KCNIP1: variants seen among roughly 807,000 people sequenced by gnomAD.
KCNIP1 encodes A-type potassium channel modulatory protein KCNIP1.
A neutral mutation model predicts 33.0 loss-of-function variants in KCNIP1; 18 were observed. That is an observed-to-expected ratio of 0.55 (90% CI 0.38 to 0.81). KCNIP1 has a LOEUF of 0.81. KCNIP1 is among the 30% of genes least tolerant of loss of function. KCNIP1 has a pLI of 0.00. For synonymous variants in KCNIP1, 93 were observed against 98.3 expected (o/e 0.95, Z 0.32); for missense variants, 238 against 271.6 (o/e 0.88, Z 0.87).
At chr5:170,373,933 T>G (rs1763917463) in intron 1 of KCNIP1, among the ~76,000 whole-genome samples, 1 of 152,248 alleles carries the variant, frequency 6.6e-6, no homozygotes, top group Non-Finnish European at 1.5e-5. Flanking sequence ...TTTCTTTCCC[T>G]TCCATGTGAC....
At chr5:170,720,442 C>T (rs1403753304) in intron 3 of KCNIP1, 52 bp downstream of exon 3, 1 of 1,376,414 alleles carries the variant, frequency 7.3e-7, no homozygotes, top group East Asian at 2.3e-5. Context: ...TGGTAAGCAG[C>T]CTTCCCTTCC....
chr5:170,545,732 A>T (rs1320038405), intron 1 of KCNIP1, among the ~76,000 whole-genome samples: 1 of 152,068 alleles, frequency 6.6e-6, no homozygotes, highest in African/African-American at 2.4e-5. Flanking sequence ...AGAAGGCTAT[A>T]TGTTTTTGTT....
At chr5:170,381,744 A>C (rs560161965) in intron 1 of KCNIP1, among the ~76,000 whole-genome samples, 2 of 152,302 alleles carry the variant, frequency 1.3e-5, no homozygotes, top group East Asian at 3.9e-4. Flanking sequence ...AGGACCAGGG[A>C]GGCAGCCTGA....
chr5:170,715,861 G>T (rs2113863960), intron 1 of KCNIP1, among the ~76,000 whole-genome samples: 1 of 152,232 alleles, frequency 6.6e-6, no homozygotes, highest in Admixed American at 6.5e-5. Context: ...TCTGGCATCA[G>T]ACTTTGAACA....
chr5:170,381,187 T>A (rs1303821850), intron 1 of KCNIP1, among the ~76,000 whole-genome samples: 2 of 152,162 alleles, frequency 1.3e-5, no homozygotes, highest in Non-Finnish European at 2.9e-5. Context: ...TGGGCAGGAA[T>A]TCACTCTTCA....
intron 1 of KCNIP1, among the ~76,000 whole-genome samples, chr5:170,691,159 A>C (rs1042324846): frequency 3.9e-5 from 6 of 152,218 alleles, no homozygotes; most frequent in Non-Finnish European, 7.3e-5. Flanking sequence ...TTATGGGTGC[A>C]TCCTATGGGT....
chr5:170,561,048 G>C, intron 1 of KCNIP1: 1 of 453,690 alleles, frequency 2.2e-6, no homozygotes, highest in South Asian at 1.6e-5. Flanking sequence ...CAGGAGCCCA[G>C]CCTCCTGGCT....
chr5:170,666,489 G>C (rs546760571), intron 1 of KCNIP1, among the ~76,000 whole-genome samples: 1 of 152,172 alleles, frequency 6.6e-6, no homozygotes, highest in Non-Finnish European at 1.5e-5. Context: ...ATAATGGGCT[G>C]TCATTTTGTT....
In KCNIP1 at chr5:170,504,455, G is replaced by T; in HGVS notation, c.-118G>T. The stretch of plus-strand genomic sequence containing the variant: ...GCTTGCTGAATACCAAGCTGCAGGC[G>T]AGCTGCCGGGCGCTTTTCTCTCCTC... On this transcript the variant is annotated 5_prime_UTR_variant, in exon 1 of 8. It introduces an in-frame stop codon into an upstream open reading frame of the 5' UTR. Transcript: ENST00000328939. This position sits in a 1 kb window ranked among gnomAD's most constrained non-coding sequence, Gnocchi z 6.0. 2 of 1,548,592 alleles carry T rather than the reference G, an allele frequency of 1.3e-6. No homozygotes were observed. The highest frequency in any genetic ancestry group is 2.4e-5 in the South Asian group (2 of 83,290).
chr5:170,392,604 T>C (rs2113367633), intron 1 of KCNIP1, among the ~76,000 whole-genome samples: 1 of 152,254 alleles, frequency 6.6e-6, no homozygotes, highest in African/African-American at 2.4e-5. Context: ...AGGCGGTTCA[T>C]TTGAGGCCAG....
intron 1 of KCNIP1, among the ~76,000 whole-genome samples, chr5:170,534,736 G>A (rs1755912489): frequency 6.6e-6 from 1 of 151,662 alleles, no homozygotes; most frequent in South Asian, 2.1e-4. Context: ...TCCCCAGGCT[G>A]GTCTTGAACT....
At chr5:170,656,155 C>G (rs888901452) in intron 1 of KCNIP1, among the ~76,000 whole-genome samples, 10 of 152,202 alleles carry the variant, frequency 6.6e-5, no homozygotes, top group Non-Finnish European at 1.2e-4. Flanking sequence ...ACTGGGAACC[C>G]TGTTCTAATA....
intron 1 of KCNIP1, among the ~76,000 whole-genome samples, chr5:170,694,836 G>C (rs1039590267): frequency 5.9e-5 from 9 of 152,184 alleles, no homozygotes; most frequent in Non-Finnish European, 1.0e-4. Flanking sequence ...AGGTCCATGA[G>C]CTCTGTCCGC....
At chr5:170,527,612 A>T (rs1254283462) in intron 1 of KCNIP1, among the ~76,000 whole-genome samples, 1 of 151,696 alleles carries the variant, frequency 6.6e-6, no homozygotes, top group East Asian at 1.9e-4. Context: ...CTTTTAAGCT[A>T]GTCACGAATA....
At chr5:170,605,470 A>G (rs1214654735) in intron 1 of KCNIP1, among the ~76,000 whole-genome samples, 1 of 152,182 alleles carries the variant, frequency 6.6e-6, no homozygotes, top group African/African-American at 2.4e-5. Context: ...AAAGGATGCA[A>G]TTCAGTGGCA....
At chr5:170,693,573 G>A (rs1762797450) in intron 1 of KCNIP1, among the ~76,000 whole-genome samples, 1 of 152,102 alleles carries the variant, frequency 6.6e-6, no homozygotes, top group Non-Finnish European at 1.5e-5. Context: ...CTGGGTATAG[G>A]ACCCAGCTCT....
intron 1 of KCNIP1, among the ~76,000 whole-genome samples, chr5:170,683,969 G>A (rs929980553): frequency 1.3e-5 from 2 of 151,488 alleles, no homozygotes; most frequent in Non-Finnish European, 1.5e-5. Context: ...GTTGCCCAGG[G>A]TGGTCTTGAA....
upstream of KCNIP1, chr5:170,503,983 CG>C: frequency 1.1e-6 from 1 of 935,130 alleles, no homozygotes; most frequent in Non-Finnish European, 1.3e-6. Flanking sequence ...CGTAGTTGCC[CG>C]CCCGCCGCCC....
chr5:170,698,994 C>T (rs1211927251), intron 1 of KCNIP1, among the ~76,000 whole-genome samples: 5 of 152,296 alleles, frequency 3.3e-5, no homozygotes, highest in African/African-American at 4.8e-5. Flanking sequence ...GGACTGACCC[C>T]CAAGACAGCC....
Sources: gnomAD v4.1 joint callset for allele counts (sites outside exome capture counted in the v4.1 genomes callset) on GRCh38, gnomAD v4.1.1 for gene constraint, Gnocchi (gnomAD v3.1) non-coding constraint, MANE v1.5 for transcripts, NCBI Gene and HGNC (gene_info 2026-07-23, HGNC 2026-07-21) for gene names.